LRRIQ1: variants seen among roughly 807,000 people sequenced by gnomAD.
LRRIQ1 encodes the protein leucine-rich repeat- and IQ domain-containing protein 1.
In LRRIQ1, 210 loss-of-function variants were observed where a neutral mutation model predicts 211.9. That is an observed-to-expected ratio of 0.99 (90% CI 0.89 to 1.11). The LOEUF is 1.11. LRRIQ1 is among the 50% of genes most tolerant of loss of function. LRRIQ1 has a pLI of 0.00. For synonymous variants in LRRIQ1, 699 were observed against 650.1 expected (o/e 1.08, Z -1.14); for missense variants, 2,136 against 1,939.5 (o/e 1.10, Z -1.90).
intron 18 of LRRIQ1, among the ~76,000 whole-genome samples, chr12:85,136,220 G>C (rs1313462944): frequency 6.6e-6 from 1 of 151,738 alleles, no homozygotes; most frequent in Admixed American, 6.6e-5. Flanking sequence ...TGGAAATAAA[G>C]ACCACACAAA....
At chr12:85,249,086 TC>T (rs1318620929), downstream of LRRIQ1, among the ~76,000 whole-genome samples, 1 of 151,750 alleles carries the variant, frequency 6.6e-6, no homozygotes, top group African/African-American at 2.4e-5. Flanking sequence ...ATTACATACT[TC>T]CTCTAATATA....
At chr12:85,192,888 A>T (rs1327241267) in intron 24 of LRRIQ1, among the ~76,000 whole-genome samples, 24 of 100,204 alleles carry the variant, frequency 2.4e-4, no homozygotes, top group African/African-American at 9.6e-4. Flanking sequence ...ACATAAATAT[A>T]TAGTTATATA....
At position 85,195,286 on chromosome 12, in the gene LRRIQ1, C is replaced by G. The variant is rs923296515; in HGVS notation, c.4823-34231C>G. ...CCATTCCTTCTGAAACTATTCCAAT[C>G]AATAGAAAAAGAGGGAATCCTCCCT... On this transcript the variant is annotated intron_variant, in intron 24 of 26. Transcript: ENST00000393217. Among the ~76,000 whole-genome samples the G allele has an allele frequency of 3.6e-3, 543 of 151,852 alleles. 3 individuals carry two copies. Among genetic ancestry groups the G allele is most frequent in the Admixed American group, 6.0e-3 (91 of 15,256 alleles).
chr12:85,223,121 G>A (rs1894479097), intron 24 of LRRIQ1, among the ~76,000 whole-genome samples: 1 of 152,196 alleles, frequency 6.6e-6, no homozygotes, highest in Admixed American at 6.6e-5. Context: ...TGATTTTGAA[G>A]TTCAGGTGGA....
At chr12:85,171,659 G>A (rs1019233077) in intron 24 of LRRIQ1, among the ~76,000 whole-genome samples, 5 of 152,126 alleles carry the variant, frequency 3.3e-5, no homozygotes, top group Non-Finnish European at 7.3e-5. Flanking sequence ...GACTGTATTT[G>A]GAGTTAGGAA....
intron 25 of LRRIQ1, 123 bp downstream of exon 25, chr12:85,229,772 G>T: frequency 1.1e-6 from 1 of 904,876 alleles, no homozygotes. Flanking sequence ...CTACGTTGCC[G>T]GGTAATACAA....
chr12:85,146,352 C>A (rs1034917504), intron 19 of LRRIQ1, among the ~76,000 whole-genome samples: 18 of 151,872 alleles, frequency 1.2e-4, no homozygotes, highest in Admixed American at 8.5e-4. Context: ...ATCTGTTTCA[C>A]AAGGGAAGTA....
At chr12:85,259,429 C>T (rs1164631076) in intron 1 of LRRIQ1, among the ~76,000 whole-genome samples, 3 of 151,944 alleles carry the variant, frequency 2.0e-5, no homozygotes, top group African/African-American at 7.2e-5. Context: ...AATGACTTTG[C>T]AATGAATGCC....
At chr12:85,066,604 G>A (rs1273245464) in intron 9 of LRRIQ1, 144 bp from the exon 10 acceptor site, 1 of 449,714 alleles carries the variant, frequency 2.2e-6, no homozygotes. Context: ...TAGTATAACA[G>A]TTTGCAGGGT....
chr12:85,121,023 A>G (rs1161489807), intron 15 of LRRIQ1, among the ~76,000 whole-genome samples: 1 of 152,088 alleles, frequency 6.6e-6, no homozygotes, highest in Non-Finnish European at 1.5e-5. Flanking sequence ...GCTGGAGAGC[A>G]GTGGCACGAT....
intron 8 of LRRIQ1, among the ~76,000 whole-genome samples, chr12:85,058,411 C>T (rs191759978): frequency 5.6e-4 from 85 of 152,078 alleles, no homozygotes; most frequent in Non-Finnish European, 1.1e-3. Flanking sequence ...TGCAGGCCTT[C>T]CAATATGATA....
At chr12:85,177,382 A>G (rs1891760049) in intron 24 of LRRIQ1, among the ~76,000 whole-genome samples, 1 of 152,096 alleles carries the variant, frequency 6.6e-6, no homozygotes, top group Non-Finnish European at 1.5e-5. Context: ...AAATGAGTAA[A>G]GGTCTGTGGA....
At chr12:85,159,944 A>C (rs1174394010) in intron 23 of LRRIQ1, among the ~76,000 whole-genome samples, 1 of 152,046 alleles carries the variant, frequency 6.6e-6, no homozygotes, top group African/African-American at 2.4e-5. Context: ...TAATCTTGAG[A>C]AATACAATCA....
intron 24 of LRRIQ1, among the ~76,000 whole-genome samples, chr12:85,208,889 T>A (rs1893696596): frequency 6.6e-6 from 1 of 152,172 alleles, no homozygotes; most frequent in Non-Finnish European, 1.5e-5. Flanking sequence ...CAATTTTCTA[T>A]AGAGACTTAA....
chr12:85,071,367 T>A (rs1179545595), intron 10 of LRRIQ1, among the ~76,000 whole-genome samples: 1 of 152,004 alleles, frequency 6.6e-6, no homozygotes, highest in Non-Finnish European at 1.5e-5. Context: ...ATGGAACTTA[T>A]AATTATTTTT....
chr12:85,053,543 T>C (rs534879096), intron 7 of LRRIQ1, among the ~76,000 whole-genome samples: 1 of 152,200 alleles, frequency 6.6e-6, no homozygotes, highest in African/African-American at 2.4e-5. Context: ...AAGTATTCAA[T>C]GATAATGGTT....
At chr12:85,173,691 C>T (rs997929067) in intron 24 of LRRIQ1, among the ~76,000 whole-genome samples, 5 of 151,944 alleles carry the variant, frequency 3.3e-5, no homozygotes, top group Non-Finnish European at 5.9e-5. Context: ...AGGTCTTTCT[C>T]TTCTTCTTCT....
At chr12:85,078,534 G>A (rs550125158) in intron 11 of LRRIQ1, among the ~76,000 whole-genome samples, 1 of 152,126 alleles carries the variant, frequency 6.6e-6, no homozygotes, top group East Asian at 1.9e-4. Flanking sequence ...CATGATTATT[G>A]TAGTTCAATC....
chr12:85,054,943 T>C (rs1174372337), intron 7 of LRRIQ1, among the ~76,000 whole-genome samples: 1 of 152,122 alleles, frequency 6.6e-6, no homozygotes, highest in African/African-American at 2.4e-5. Flanking sequence ...CTAGTAAAAA[T>C]AATATTTTCT....
Sources: allele counts gnomAD v4.1 joint callset (sites outside exome capture counted in the v4.1 genomes callset), GRCh38; gene constraint gnomAD v4.1.1; transcripts MANE v1.5; gene names NCBI Gene and HGNC (gene_info 2026-07-23, HGNC 2026-07-21).